The following SDC2 variants were observed in gnomAD, a reference collection of about 807,000 sequenced individuals.
SDC2 encodes the protein syndecan-2.
SDC2 carries 13 observed loss-of-function variants against 22.2 expected under a neutral mutation model. The observed-to-expected ratio is 0.59, with a 90% CI of 0.38 to 0.93. The LOEUF (loss-of-function observed/expected upper bound fraction) is 0.93. Ranked by LOEUF, SDC2 falls within the 40% of genes least tolerant of loss-of-function variation. The pLI, the probability that SDC2 is intolerant of heterozygous loss-of-function variation, is 0.00. For missense variants in SDC2, 235 were observed against 246.8 expected (o/e 0.95, Z 0.32); for synonymous variants, 94 against 92.8 (o/e 1.01, Z -0.07).
At chr8:96,520,573 G>A (rs1204633945) in intron 1 of SDC2, among the ~76,000 whole-genome samples, 1 of 152,140 alleles carries the variant, frequency 6.6e-6, no homozygotes, top group Non-Finnish European at 1.5e-5. Flanking sequence ...TTAAGTATTT[G>A]CTTCTGGAGA....
Position 96,608,464 on chromosome 8 carries a change from C to T in SDC2, c.436C>T (p.Leu146=). The change falls in exon 4 of 5, where the codon CTA becomes TTA. Residue 146 remains leucine, a synonymous_variant. Coordinates refer to ENST00000302190, the MANE Select transcript of SDC2 (RefSeq NM_002998.4). ...CAGTCTGTTTAAACGGACAGAAGTC[C>T]TAGCAGGTGAGTAGCCTGGTGGGCC... ...SDSLFKRTEV[L]AAVIAGGVIG... 2 of 1,611,154 alleles carry T rather than the reference C, an allele frequency of 1.2e-6. No individual in the cohort carries two copies. Among genetic ancestry groups the T allele is most frequent in the Non-Finnish European group, 1.7e-6 (2 of 1,178,606 alleles).
intron 1 of SDC2, among the ~76,000 whole-genome samples, chr8:96,589,830 G>A (rs568408902): frequency 6.6e-6 from 1 of 152,286 alleles, no homozygotes; most frequent in East Asian, 1.9e-4. Context: ...TCAAAGACAC[G>A]GACGTGGGCA....
chr8:96,575,701 G>T (rs191669969), intron 1 of SDC2, among the ~76,000 whole-genome samples: 1 of 148,240 alleles, frequency 6.7e-6, no homozygotes, highest in Non-Finnish European at 1.5e-5. Flanking sequence ...AAGGAGGCAA[G>T]GTTTTGTTTC....
intron 1 of SDC2, among the ~76,000 whole-genome samples, chr8:96,591,097 A>G (rs550257897): frequency 6.6e-6 from 1 of 152,320 alleles, no homozygotes; most frequent in South Asian, 2.1e-4. Flanking sequence ...GCCTGGTAGC[A>G]TGACAGATGT....
intron 1 of SDC2, among the ~76,000 whole-genome samples, chr8:96,540,576 G>C (rs1813832438): frequency 3.3e-5 from 5 of 150,392 alleles, no homozygotes; most frequent in Admixed American, 3.3e-4. Context: ...CCATCTTTAG[G>C]AAGCCAGTCT....
intron 1 of SDC2, among the ~76,000 whole-genome samples, chr8:96,518,599 C>G (rs1028933218): frequency 1.3e-5 from 2 of 152,074 alleles, no homozygotes; most frequent in Non-Finnish European, 2.9e-5. Flanking sequence ...CCTCGTGATC[C>G]GCCCGCCTCG....
In SDC2 at chr8:96,507,885, C is replaced by T. The variant is rs148909164; in HGVS notation, c.60+13554C>T. The stretch of plus-strand genomic sequence containing the variant: ...CAAGAGTTTCCTCTTGAATATTGGC[C>T]GGCTGTGGTGGCTCACGCCTGTAAT... On this transcript the variant is annotated intron_variant, in intron 1 of 4. Coordinates refer to ENST00000302190, the MANE Select transcript of SDC2 (RefSeq NM_002998.4). 1.9e-4 allele frequency among the ~76,000 whole-genome samples: 29 copies of T among 152,290 alleles called. No individual in the cohort carries two copies. In the East Asian group the frequency reaches 4.4e-3, roughly 23 times the overall value.
At chr8:96,608,659 A>G (rs1054417717) in intron 4 of SDC2, among the ~76,000 whole-genome samples, 189 bp downstream of exon 4, 4 of 152,200 alleles carry the variant, frequency 2.6e-5, no homozygotes, top group African/African-American at 7.2e-5. Context: ...AGCTCCCTCA[A>G]CCTACCTCTT....
rs185228327 is a variant in SDC2 at position 96,592,287 on chromosome 8, G to A, written c.61-1193G>A. On this transcript the variant is annotated intron_variant, in intron 1 of 4. Coordinates refer to ENST00000302190, the MANE Select transcript of SDC2 (RefSeq NM_002998.4). ...AAATAAAGTGGTACTGTTACAGAGG[G>A]TTGGACCTGTCCTCTTAGGAAGGTT... is the stretch of plus-strand genomic sequence containing the variant. 4.0e-3 allele frequency among the ~76,000 whole-genome samples: 605 copies of A among 152,354 alleles called. 4 individuals are homozygous for A. The highest frequency in any genetic ancestry group is 0.01 in the Middle Eastern group (3 of 294).
intron 1 of SDC2, among the ~76,000 whole-genome samples, chr8:96,519,291 C>G (rs139331943): frequency 0.011 from 1,615 of 152,286 alleles, 32 homozygotes; most frequent in African/African-American, 0.036. Flanking sequence ...GCCCCTCCCC[C>G]CACACTATTT....
At position 96,495,672 on chromosome 8, in the gene SDC2, T is replaced by TC. The variant is rs1254016079; in HGVS notation, c.60+1348dup. Among the ~76,000 whole-genome samples, 4 of 152,036 alleles carry TC rather than the reference T, an allele frequency of 2.6e-5. No individual in the cohort carries two copies. In the East Asian group the frequency reaches 5.8e-4, roughly 22 times the overall value. Reference sequence around the variant, plus strand: ...GTAGTTTTATGAGTTTGAGTCTCCCTCCCCCCCTTTTTTGTGCTGAGGCTA... The same window carrying TC: ...GTAGTTTTATGAGTTTGAGTCTCCCTCCCCCCCCTTTTTTGTGCTGAGGCTA... On this transcript the variant is annotated intron_variant, in intron 1 of 4. Coordinates refer to ENST00000302190, the MANE Select transcript of SDC2 (RefSeq NM_002998.4).
At chr8:96,596,812 C>G (rs1017603245) in intron 2 of SDC2, among the ~76,000 whole-genome samples, 31 of 152,144 alleles carry the variant, frequency 2.0e-4, no homozygotes, top group Non-Finnish European at 4.4e-5. Flanking sequence ...GTTTTGAAAG[C>G]TGGGAAGAAG....
rs1815154444 is a variant in SDC2, at chr8:96,610,265, G to T, written c.*717G>T. 1 of 152,604 alleles carries T rather than the reference G, an allele frequency of 6.6e-6. No individual in the cohort carries two copies. The allele number at this position is 152,604 out of a possible 1,614,324, so 9.5% of individuals were successfully genotyped here. On this transcript the variant is annotated 3_prime_UTR_variant, in exon 5 of 5. Transcript: ENST00000302190. ...AGATCTTCTTTTGGGAGGATTTGATGTAAGTTACTGACAAGCCTCAGCAAA... is the reference window on the plus strand; with the variant it reads ...AGATCTTCTTTTGGGAGGATTTGATTTAAGTTACTGACAAGCCTCAGCAAA...
At chr8:96,548,813 A>G (rs1198343288) in intron 1 of SDC2, among the ~76,000 whole-genome samples, 1 of 152,140 alleles carries the variant, frequency 6.6e-6, no homozygotes, top group East Asian at 1.9e-4. Flanking sequence ...GAAACAAGGA[A>G]TTTGCAGCAT....
chr8:96,559,949 C>A (rs1353648349), intron 1 of SDC2, among the ~76,000 whole-genome samples: 3 of 152,080 alleles, frequency 2.0e-5, no homozygotes, highest in African/African-American at 7.2e-5. Flanking sequence ...ATTCATTTGC[C>A]TCCTTAATTG....
intron 1 of SDC2, among the ~76,000 whole-genome samples, chr8:96,500,467 G>A (rs1254112578): frequency 6.6e-6 from 1 of 152,022 alleles, no homozygotes; most frequent in African/African-American, 2.4e-5. Flanking sequence ...TTCGAGACCA[G>A]CCTGGCCAAC....
intron 1 of SDC2, among the ~76,000 whole-genome samples, chr8:96,572,929 T>C (rs1814420579): frequency 6.6e-6 from 1 of 152,210 alleles, no homozygotes; most frequent in Non-Finnish European, 1.5e-5. Context: ...TTATTTTGTT[T>C]TGTTCATGTC....
At chr8:96,570,416 G>A (rs759013063) in intron 1 of SDC2, among the ~76,000 whole-genome samples, 3 of 152,118 alleles carry the variant, frequency 2.0e-5, no homozygotes, top group Non-Finnish European at 2.9e-5. Context: ...ATATGTGCTT[G>A]GCTTAGAGCA....
intron 1 of SDC2, among the ~76,000 whole-genome samples, chr8:96,501,394 C>T (rs1361590726): frequency 6.8e-6 from 1 of 147,238 alleles, no homozygotes; most frequent in African/African-American, 2.5e-5. Flanking sequence ...GCAACCTCCT[C>T]CCCCCGTTCA....
Sources: gnomAD v4.1 joint callset for allele counts (sites outside exome capture counted in the v4.1 genomes callset) on GRCh38, gnomAD v4.1.1 for gene constraint, MANE v1.5 for transcripts, NCBI Gene and HGNC (gene_info 2026-07-23, HGNC 2026-07-21) for gene names.